The following DLGAP2 variants were observed in gnomAD, a reference collection of about 807,000 sequenced individuals.
The protein encoded by DLGAP2 is DLG associated protein 2.
A neutral mutation model predicts 100.3 loss-of-function variants in DLGAP2; 26 were observed. The observed-to-expected ratio is 0.26, with a 90% CI of 0.19 to 0.36. DLGAP2 has a LOEUF of 0.36. DLGAP2 is among the 10% of genes least tolerant of loss of function. The pLI is 1.00. For missense variants in DLGAP2, 1,858 were observed against 1,453.2 expected (o/e 1.28, Z -4.53); for synonymous variants, 886 against 630.1 (o/e 1.41, Z -6.08).
intron 2 of DLGAP2, among the ~76,000 whole-genome samples, chr8:1,085,670 A>G (rs1469968215): frequency 6.6e-6 from 1 of 152,098 alleles, no homozygotes; most frequent in Non-Finnish European, 1.5e-5. Flanking sequence ...AATTACTGCC[A>G]CTTTGTAGTA....
intron 1 of DLGAP2, among the ~76,000 whole-genome samples, chr8:800,979 C>G (rs1400176674): frequency 2.6e-5 from 4 of 152,152 alleles, no homozygotes; most frequent in Non-Finnish European, 4.4e-5. Context: ...CCCCATCCAC[C>G]TGCCACCGTC....
chr8:1,511,889 A>T (rs1251617483), intron 4 of DLGAP2, among the ~76,000 whole-genome samples: 1 of 152,262 alleles, frequency 6.6e-6, no homozygotes. Context: ...GGAATTGGAA[A>T]GAGAAACATT....
chr8:1,505,886 G>C (rs1448940616), intron 4 of DLGAP2, among the ~76,000 whole-genome samples: 3 of 152,152 alleles, frequency 2.0e-5, no homozygotes, highest in Admixed American at 2.0e-4. Flanking sequence ...TCTATGAAGA[G>C]TGCTATATTG....
chr8:985,638 A>C (rs1333030952), intron 2 of DLGAP2, among the ~76,000 whole-genome samples: 2 of 152,242 alleles, frequency 1.3e-5, no homozygotes, highest in Non-Finnish European at 2.9e-5. Flanking sequence ...AAATTCTAGT[A>C]AGTACAATCT....
At chr8:1,443,128 A>G (rs1419669932) in intron 3 of DLGAP2, among the ~76,000 whole-genome samples, 1 of 152,250 alleles carries the variant, frequency 6.6e-6, no homozygotes, top group Non-Finnish European at 1.5e-5. Context: ...AAACATGAAA[A>G]GTTTTATGTT....
chr8:878,719 C>G (rs921342129), intron 1 of DLGAP2, among the ~76,000 whole-genome samples: 1 of 152,104 alleles, frequency 6.6e-6, no homozygotes, highest in African/African-American at 2.4e-5. Context: ...GAATGGGTTG[C>G]TTTCCAAGAA....
chr8:1,167,251 G>T (rs867323031), intron 2 of DLGAP2, among the ~76,000 whole-genome samples: 24 of 152,182 alleles, frequency 1.6e-4, no homozygotes, highest in African/African-American at 4.8e-4. Flanking sequence ...CCAAAGGTCT[G>T]ACTCCATGAA....
At chr8:1,371,128 C>CT (rs1802227159) in intron 3 of DLGAP2, among the ~76,000 whole-genome samples, 1 of 152,234 alleles carries the variant, frequency 6.6e-6, no homozygotes, top group Non-Finnish European at 1.5e-5. Flanking sequence ...CTCCCAGATG[C>CT]ATGTGTCAGC....
At position 1,275,944 on chromosome 8, in the gene DLGAP2, A is replaced by G. The variant is rs1188368426; in HGVS notation, c.106+17061A>G. On this transcript the variant is annotated intron_variant, in intron 3 of 14. Coordinates refer to ENST00000637795, the MANE Select transcript of DLGAP2 (RefSeq NM_001346810.2). ...AAATATATATAGTATATAAATATAT[A>G]TAATATATAAATAAATATATAATAT... is the stretch of plus-strand genomic sequence containing the variant. Among the ~76,000 whole-genome samples the G allele has an allele frequency of 8.5e-5, 11 of 129,572 alleles. No individual in the cohort carries two copies. The Admixed American group carries it at 9.9e-4, about 12-fold the overall frequency. 85.0% of individuals were successfully genotyped at this position (129,572 alleles called of 152,430 possible).
intron 4 of DLGAP2, among the ~76,000 whole-genome samples, chr8:1,506,170 T>G (rs1013897660): frequency 1.3e-5 from 2 of 152,062 alleles, no homozygotes; most frequent in Non-Finnish European, 2.9e-5. Context: ...AATGTCTCAT[T>G]CTAATGTTAA....
At chr8:1,697,322 G>A (rs781233513) in intron 14 of DLGAP2, 23 bp downstream of exon 14, 17 of 1,567,902 alleles carry the variant, frequency 1.1e-5, no homozygotes, top group African/African-American at 2.7e-5. Context: ...ATGCAGGGCC[G>A]GCTCCCAGCA....
intron 3 of DLGAP2, among the ~76,000 whole-genome samples, chr8:1,464,284 AACGCCCTTCCAGGATG>A (rs1798551200): frequency 6.4e-5 from 4 of 62,494 alleles, no homozygotes; most frequent in East Asian, 9.2e-4. Context: ...CTTCCAGGAC[AACGCCCTTCCAGGATG>A]GCACCCTTCC....
intron 1 of DLGAP2, among the ~76,000 whole-genome samples, chr8:797,150 G>A (rs1221044999): frequency 6.6e-6 from 1 of 152,158 alleles, no homozygotes; most frequent in Non-Finnish European, 1.5e-5. Flanking sequence ...ACACGACCCT[G>A]TAGTCACCAC....
intron 2 of DLGAP2, chr8:1,019,381 C>T (rs915386342): frequency 6.6e-6 from 1 of 151,974 alleles, no homozygotes; most frequent in African/African-American, 2.4e-5. Flanking sequence ...ATCACCACCC[C>T]GTGGCAACTC....
At chr8:1,199,493 C>T (rs1407803602) in intron 2 of DLGAP2, among the ~76,000 whole-genome samples, 1 of 152,110 alleles carries the variant, frequency 6.6e-6, no homozygotes, top group Admixed American at 6.5e-5. Context: ...ACAGGCAGTC[C>T]AGTGAAGGCT....
intron 1 of DLGAP2, among the ~76,000 whole-genome samples, chr8:771,976 C>T (rs562539682): frequency 1.2e-4 from 19 of 152,286 alleles, no homozygotes; most frequent in African/African-American, 4.6e-4. Context: ...CATCATAGCT[C>T]ACTATAGCCT....
At chr8:1,214,266 C>T (rs375634270) in intron 2 of DLGAP2, among the ~76,000 whole-genome samples, 6 of 152,212 alleles carry the variant, frequency 3.9e-5, no homozygotes, top group Admixed American at 2.0e-4. Context: ...CCAGGTGGAA[C>T]TGGGAGTAGG....
chr8:1,299,240 C>T (rs1266774855), intron 3 of DLGAP2, among the ~76,000 whole-genome samples: 4 of 152,222 alleles, frequency 2.6e-5, no homozygotes, highest in African/African-American at 9.6e-5. Context: ...CCATAGATGC[C>T]AGTCCTGACC....
intron 2 of DLGAP2, among the ~76,000 whole-genome samples, chr8:1,144,105 G>C (rs10046782): frequency 6.6e-6 from 1 of 152,092 alleles, no homozygotes; most frequent in Non-Finnish European, 1.5e-5. Flanking sequence ...TGTGAGGAAT[G>C]ATATCGAGTA....
Sources: gnomAD v4.1 joint callset for allele counts (sites outside exome capture counted in the v4.1 genomes callset) on GRCh38, gnomAD v4.1.1 for gene constraint, MANE v1.5 for transcripts, NCBI Gene and HGNC (gene_info 2026-07-23, HGNC 2026-07-21) for gene names.